The following NDFIP2 variants were observed in gnomAD, a reference collection of about 807,000 sequenced individuals.
NDFIP2 encodes the protein Nedd4 family interacting protein 2.
NDFIP2 carries 19 observed loss-of-function variants against 36.0 expected under a neutral mutation model. The ratio of observed to expected loss-of-function variants is 0.53; its 90% CI spans 0.37 to 0.77. The LOEUF (loss-of-function observed/expected upper bound fraction) is 0.77. Ranked by LOEUF, NDFIP2 falls within the 30% of genes least tolerant of loss-of-function variation. The pLI is 0.00. For missense variants in NDFIP2, 446 were observed against 435.8 expected, an observed-to-expected ratio of 1.02 and a Z score of -0.21; for synonymous variants, 181 against 167.7, an observed-to-expected ratio of 1.08 and a Z score of -0.61.
intron 3 of NDFIP2, among the ~76,000 whole-genome samples, chr13:79,534,647 C>T (rs1317192657): frequency 6.6e-5 from 10 of 151,790 alleles, no homozygotes; most frequent in Non-Finnish European, 1.0e-4. Flanking sequence ...TGAGAGATGC[C>T]GTTTCAGATC....
intron 2 of NDFIP2, among the ~76,000 whole-genome samples, chr13:79,523,780 T>C (rs748607942): frequency 9.2e-5 from 14 of 152,148 alleles, no homozygotes; most frequent in Non-Finnish European, 1.9e-4. Context: ...AAGGCTACTA[T>C]TGATCTTCTG....
At chr13:79,525,359 T>C (rs1874750553) in intron 2 of NDFIP2, among the ~76,000 whole-genome samples, 1 of 152,248 alleles carries the variant, frequency 6.6e-6, no homozygotes, top group Non-Finnish European at 1.5e-5. Flanking sequence ...AATTTCTTTT[T>C]CCTTCACAAT....
chr13:79,536,109 A>G (rs1430444584), intron 3 of NDFIP2, among the ~76,000 whole-genome samples: 1 of 152,164 alleles, frequency 6.6e-6, no homozygotes, highest in Non-Finnish European at 1.5e-5. Flanking sequence ...TATGTTATGG[A>G]ATGGTTAAGT....
At chr13:79,492,506 G>A (rs977055422) in intron 1 of NDFIP2, among the ~76,000 whole-genome samples, 2 of 151,876 alleles carry the variant, frequency 1.3e-5, no homozygotes, top group African/African-American at 4.8e-5. Context: ...GAGTTCAAGC[G>A]GTCTTCCCCC....
chr13:79,500,727 T>G (rs369669772), intron 1 of NDFIP2, among the ~76,000 whole-genome samples: 1 of 152,028 alleles, frequency 6.6e-6, no homozygotes, highest in African/African-American at 2.4e-5. Context: ...CAGACTGATA[T>G]AGCCACATGG....
rs113275645 is a variant in NDFIP2, at chr13:79,549,432, T to C, written c.907+1038T>C. Among the ~76,000 whole-genome samples, 9 of 152,028 alleles carry C rather than the reference T, an allele frequency of 5.9e-5. 2 individuals are homozygous for C. The highest frequency in any genetic ancestry group is 2.2e-4 in the African/African-American group (9 of 41,536). ...TGTGTATATATATATTATTTAGAGA[T>C]TGGAGGAATCTTAAGGAGGTTAGTG... On this transcript the variant is annotated intron_variant, in intron 6 of 7. Coordinates refer to ENST00000218652, the MANE Select transcript of NDFIP2 (RefSeq NM_019080.3).
chr13:79,509,684 T>TAGAGAG (rs1221392541), intron 1 of NDFIP2, among the ~76,000 whole-genome samples: 137 of 73,930 alleles, frequency 1.9e-3, no homozygotes, highest in East Asian at 9.6e-3. Flanking sequence ...TCGATATATA[T>TAGAGAG]ATATATAGAG....
Position 79,491,422 on chromosome 13 carries a change from G to GTC in NDFIP2, c.321+9908_321+9909dup, listed in dbSNP as rs72414954. Among the ~76,000 whole-genome samples the GTC allele has an allele frequency of 1.9e-3, 285 of 152,136 alleles. 2 individuals carry two copies. Among genetic ancestry groups the GTC allele is most frequent in the African/African-American group, 5.8e-3 (239 of 41,460 alleles). ...GAAATATATTGCTTAGTCTTCCTCT[G>GTC]TCTCTCTCTCTGAATGGTGTCCTTT... On this transcript the variant is annotated intron_variant, in intron 1 of 7. Transcript: ENST00000218652.
chr13:79,535,916 T>G (rs1053742247), intron 3 of NDFIP2, among the ~76,000 whole-genome samples: 7 of 152,198 alleles, frequency 4.6e-5, no homozygotes, highest in African/African-American at 9.7e-5. Context: ...AAACAAAATT[T>G]AAAAATTGAA....
At chr13:79,537,356 C>T (rs1486635304) in intron 3 of NDFIP2, among the ~76,000 whole-genome samples, 1 of 152,060 alleles carries the variant, frequency 6.6e-6, no homozygotes, top group East Asian at 1.9e-4. Context: ...AGTGATCCAC[C>T]CACCTCGGCC....
chr13:79,501,389 G>A (rs568208626), intron 1 of NDFIP2, among the ~76,000 whole-genome samples: 1 of 152,082 alleles, frequency 6.6e-6, no homozygotes, highest in South Asian at 2.1e-4. Context: ...AATGGGGGAG[G>A]CTTTGCCTGT....
At chr13:79,489,943 G>A (rs939425838) in intron 1 of NDFIP2, among the ~76,000 whole-genome samples, 12 of 152,086 alleles carry the variant, frequency 7.9e-5, no homozygotes, top group Non-Finnish European at 1.6e-4. Flanking sequence ...TGGGGCCCTG[G>A]CCTGTGATGA....
chr13:79,504,875 A>G (rs1257049855), intron 1 of NDFIP2, among the ~76,000 whole-genome samples: 3 of 152,158 alleles, frequency 2.0e-5, no homozygotes, highest in Non-Finnish European at 4.4e-5. Flanking sequence ...ATTCATTTAT[A>G]TCAGTATGAA....
chr13:79,537,991 C>G (rs140205650), intron 3 of NDFIP2, among the ~76,000 whole-genome samples: 1 of 152,008 alleles, frequency 6.6e-6, no homozygotes, highest in Non-Finnish European at 1.5e-5. Context: ...ACGATTGTGG[C>G]GGAAGGTGAG....
chr13:79,529,520 A>G (rs1414790775), intron 2 of NDFIP2, among the ~76,000 whole-genome samples: 3 of 152,180 alleles, frequency 2.0e-5, no homozygotes, highest in Non-Finnish European at 4.4e-5. Context: ...CTCTTTTAAA[A>G]CTAAAGAAAT....
At chr13:79,497,070 C>G (rs980092689) in intron 1 of NDFIP2, among the ~76,000 whole-genome samples, 30 of 151,970 alleles carry the variant, frequency 2.0e-4, no homozygotes, top group Admixed American at 1.2e-3. Flanking sequence ...TTTGAGTATT[C>G]TAGTAATTTT....
intron 1 of NDFIP2, among the ~76,000 whole-genome samples, chr13:79,517,921 C>T (rs981098137): frequency 2.0e-5 from 3 of 152,146 alleles, no homozygotes; most frequent in Non-Finnish European, 2.9e-5. Flanking sequence ...TTGTAAAGCT[C>T]GCTGTATCTG....
intron 2 of NDFIP2, among the ~76,000 whole-genome samples, chr13:79,525,629 G>A (rs1181781538): frequency 6.6e-6 from 1 of 152,092 alleles, no homozygotes; most frequent in Non-Finnish European, 1.5e-5. Flanking sequence ...CTGACGGGTG[G>A]GTAGTGTTGA....
intron 3 of NDFIP2, among the ~76,000 whole-genome samples, chr13:79,535,165 A>T (rs755348261): frequency 6.6e-6 from 1 of 152,212 alleles, no homozygotes; most frequent in Non-Finnish European, 1.5e-5. Flanking sequence ...GTAAATGAAC[A>T]TGCACATCTC....
Sources: allele counts gnomAD v4.1 joint callset (sites outside exome capture counted in the v4.1 genomes callset), GRCh38; gene constraint gnomAD v4.1.1; transcripts MANE v1.5; gene names NCBI Gene and HGNC (gene_info 2026-07-23, HGNC 2026-07-21).